Variants in SLC29A4 observed in about 807,000 individuals in gnomAD.
SLC29A4 encodes the protein equilibrative nucleoside transporter 4.
Under a neutral mutation model 43.9 loss-of-function variants are expected in SLC29A4, and 36 were observed. The ratio of observed to expected loss-of-function variants is 0.82; its 90% CI spans 0.63 to 1.08. The LOEUF is 1.08. SLC29A4 is among the 50% of genes least tolerant of loss of function. The pLI, the probability that SLC29A4 is intolerant of heterozygous loss-of-function variation, is 0.00. For synonymous variants in SLC29A4, 491 were observed against 338.0 expected, an observed-to-expected ratio of 1.45 and a Z score of -4.97; for missense variants, 869 against 755.3, an observed-to-expected ratio of 1.15 and a Z score of -1.77.
chr7:5,287,416 T>TG lies in SLC29A4; in HGVS notation c.-8-392dup, dbSNP rs1192417806. Among the ~76,000 whole-genome samples, 709 of 138,040 alleles carry TG rather than the reference T, an allele frequency of 5.1e-3. 6 individuals carry two copies. Among genetic ancestry groups the TG allele is most frequent in the African/African-American group, 0.02 (671 of 33,908 alleles). 90.6% of individuals were successfully genotyped at this position (138,040 alleles called of 152,430 possible). On this transcript the variant is annotated intron_variant, in intron 1 of 10. Transcript: ENST00000396872. Reference sequence around the variant, plus strand: ...CTGGGTGACAGAGTGAGACCCTGTCTGAAAAAAAAAAAAAAAGAAAAAAAA... The same window carrying TG: ...CTGGGTGACAGAGTGAGACCCTGTCTGGAAAAAAAAAAAAAAAGAAAAAAAA...
intron 5 of SLC29A4, 130 bp from the exon 6 acceptor site, chr7:5,294,728 ATC>A (rs1194335566): frequency 3.4e-6 from 3 of 884,414 alleles, no homozygotes; most frequent in East Asian, 5.0e-5. Context: ...TGCGTGTCAA[ATC>A]TCTCTGCCAT....
rs551938260 is a variant in SLC29A4 at position 5,286,626 on chromosome 7, A to G, written c.-8-1183A>G. On this transcript the variant is annotated intron_variant, in intron 1 of 10. Coordinates refer to ENST00000396872, the MANE Select transcript of SLC29A4 (RefSeq NM_153247.4). ...CACAGTGCAAGCGTCTCCATCACAG[A>G]TGACTTAGCTCCTTCCTTTCCTCCC... 1.1e-4 allele frequency among the ~76,000 whole-genome samples: 16 copies of G among 152,282 alleles called. No individual in the cohort carries two copies. In the South Asian group the frequency reaches 2.7e-3, roughly 26 times the overall value.
In SLC29A4 at chr7:5,302,968, G is replaced by A. The variant is rs535529024; in HGVS notation, c.*29G>A. The A allele has an allele frequency of 1.2e-4, 199 of 1,594,914 alleles. 1 individual carries two copies. The South Asian group carries it at 2.0e-3, about 16-fold the overall frequency. On this transcript the variant is annotated 3_prime_UTR_variant, in exon 11 of 11. Transcript: ENST00000396872. ...AGCCCCGCCCACTGCCAGGGACGCC[G>A]AGGGCCTGACCAGGGGCCCCGAGGC...
At position 5,303,072 on chromosome 7, in the gene SLC29A4, C is replaced by T. The variant is rs555887085; in HGVS notation, c.*133C>T. On this transcript the variant is annotated 3_prime_UTR_variant, in exon 11 of 11. Transcript: ENST00000396872. ...CCCTGTGCCAGCAGCCCCACTCCCT[C>T]AGGGTCCAGCCATGCCCCACCCTGG... 3 of 1,098,464 alleles carry T rather than the reference C, an allele frequency of 2.7e-6. No individual in the cohort carries two copies. Among genetic ancestry groups the T allele is most frequent in the African/African-American group, 3.2e-5 (2 of 62,692 alleles). The allele number at this position is 1,098,464 out of a possible 1,614,324, so 68.0% of individuals were successfully genotyped here.
rs1426036490 is a variant in SLC29A4, at chr7:5,283,000, A to G, written c.-91A>G. ...GGGCGGACTCGGGGACCGGCGGAGG[A>G]CGCCGGGCGCGCCCGGCCCGAGGCT... On this transcript the variant is annotated 5_prime_UTR_variant, in exon 1 of 11. Transcript: ENST00000396872. 1 of 100,290 alleles carries G rather than the reference A, an allele frequency of 1.0e-5. No individual in the cohort carries two copies. Among genetic ancestry groups the G allele is most frequent in the Non-Finnish European group, 2.0e-5 (1 of 51,132 alleles). The allele number at this position is 100,290 out of a possible 1,614,324, so 6.2% of individuals were successfully genotyped here.
At position 5,290,419 on chromosome 7, in the gene SLC29A4, A is replaced by C. The variant is rs191182141; in HGVS notation, c.170-313A>C. Reference sequence around the variant, plus strand: ...ACCATGTTGGCCAGGCTGGTCTCGAACTCCTGAGTTCAGGTGATCTGCCCG... The same window carrying C: ...ACCATGTTGGCCAGGCTGGTCTCGACCTCCTGAGTTCAGGTGATCTGCCCG... On this transcript the variant is annotated intron_variant, in intron 2 of 10. Coordinates refer to ENST00000396872, the MANE Select transcript of SLC29A4 (RefSeq NM_153247.4). Among the ~76,000 whole-genome samples, 371 of 151,710 alleles carry C rather than the reference A, an allele frequency of 2.4e-3. 1 individual carries two copies. The highest frequency in any genetic ancestry group is 8.4e-3 in the African/African-American group (349 of 41,316).
intron 1 of SLC29A4, among the ~76,000 whole-genome samples, chr7:5,287,578 C>T (rs1785038803): frequency 6.6e-6 from 1 of 152,238 alleles, no homozygotes; most frequent in African/African-American, 2.4e-5. Context: ...GGTTTAGGCC[C>T]TTGCCTAAGG....
chr7:5,297,558 G>A (rs537762257), intron 7 of SLC29A4, among the ~76,000 whole-genome samples: 3 of 152,314 alleles, frequency 2.0e-5, no homozygotes, highest in Non-Finnish European at 4.4e-5. Context: ...CATTCTGAGG[G>A]TCTCAGCCCT....
At position 5,300,624 on chromosome 7, in the gene SLC29A4, C is replaced by T. The variant is rs372135327; in HGVS notation, c.1412C>T (p.Ala471Val). Reference sequence around the variant, plus strand: ...TTCGGCAGCGTGCCCATGATCCTGGCGGCAGGCAAAGTGAGCCCCAAGCAG... The same window carrying T: ...TTCGGCAGCGTGCCCATGATCCTGGTGGCAGGCAAAGTGAGCCCCAAGCAG... ...GYFGSVPMIL[A>V]AGKVSPKQRE... is the part of the protein sequence containing the mutation. The change falls in exon 10 of 11, where the codon GCG (alanine) becomes GTG (valine). Residue 471 changes from alanine (A) to valine (V), a missense_variant. Transcript: ENST00000396872. The T allele has an allele frequency of 1.6e-5, 25 of 1,609,794 alleles. No homozygotes were observed. Among genetic ancestry groups the T allele is most frequent in the African/African-American group, 6.7e-5 (5 of 74,846 alleles).
intron 7 of SLC29A4, among the ~76,000 whole-genome samples, chr7:5,297,498 C>T (rs1562452021): frequency 1.3e-5 from 2 of 152,240 alleles, no homozygotes; most frequent in South Asian, 2.1e-4. Flanking sequence ...TCCTTAGTGA[C>T]ACTCCACATG....
Position 5,306,187 on chromosome 7 carries a change from A to ATTTGTTTTT in SLC29A4, c.*3251_*3252insGTTTTTTTT, listed in dbSNP as rs1333210739. The ATTTGTTTTT allele has an allele frequency of 8.5e-6, 1 of 117,584 alleles. No individual in the cohort carries two copies. The highest frequency in any genetic ancestry group is 1.0e-4 in the Admixed American group (1 of 9,986). 7.3% of individuals were successfully genotyped at this position (117,584 alleles called of 1,614,324 possible). A position where few individuals can be genotyped will look rare whatever the true frequency, so the allele number is the denominator to read the frequency against. ...ATTTTTTCTCATGTAAATTTGTTCAATTTCTTTTTTTTTTTTTTTTTTTTT... is the reference window on the plus strand; with the variant it reads ...ATTTTTTCTCATGTAAATTTGTTCAATTTGTTTTTTTTCTTTTTTTTTTTTTTTTTTTTT... On this transcript the variant is annotated 3_prime_UTR_variant, in exon 11 of 11. Transcript: ENST00000396872.
At position 5,287,784 on chromosome 7, in the gene SLC29A4, G is replaced by T. The variant is rs764447381; in HGVS notation, c.-8-25G>T. 1.4e-5 allele frequency: 22 copies of T among 1,603,970 alleles called. No individual in the cohort carries two copies. The African/African-American group carries it at 2.7e-4, about 20-fold the overall frequency. ...ATCCCTCAGCCTTCTTCCCTCACCT[G>T]CTCTCTCTGCTTTCTCCAAAGCAGA... On this transcript the variant is annotated intron_variant, in intron 1 of 10. Transcript: ENST00000396872.
intron 1 of SLC29A4, among the ~76,000 whole-genome samples, chr7:5,286,416 G>C (rs1331614524): frequency 6.7e-6 from 1 of 150,320 alleles, no homozygotes; most frequent in Non-Finnish European, 1.5e-5. Flanking sequence ...CCAGCTACTC[G>C]GGAGGCTGAG....
rs1562451235 is a variant in SLC29A4, at chr7:5,297,123, C to CCGGGG, written c.809_813dup (p.Arg272GlyfsTer46). On this transcript the variant is annotated frameshift_variant, in exon 7 of 11. Coordinates refer to ENST00000396872, the MANE Select transcript of SLC29A4 (RefSeq NM_153247.4). LOFTEE classifies it high-confidence loss of function. ...ATACCACACGGCCGCGTGACAGCCACCGGGGCAGGCCAGGCCTGGGCAGGG... is the reference window on the plus strand; with the variant it reads ...ATACCACACGGCCGCGTGACAGCCACCGGGGCGGGGCAGGCCAGGCCTGGGCAGGG... 2 of 1,606,504 alleles carry CCGGGG rather than the reference C, an allele frequency of 1.2e-6. No individual in the cohort carries two copies. The highest frequency in any genetic ancestry group is 1.7e-6 in the Non-Finnish European group (2 of 1,179,622).
In SLC29A4 at chr7:5,305,270, C is replaced by G. The variant is rs1483054590; in HGVS notation, c.*2331C>G. The G allele has an allele frequency of 6.6e-6, 1 of 152,318 alleles. No individual in the cohort carries two copies. The highest frequency in any genetic ancestry group is 1.9e-4 in the East Asian group (1 of 5,198). The allele number at this position is 152,318 out of a possible 1,614,324, so 9.4% of individuals were successfully genotyped here. On this transcript the variant is annotated 3_prime_UTR_variant, in exon 11 of 11. Transcript: ENST00000396872. ...GGGCCAAGACTGCGCCAGGTGACAC[C>G]AGAGTGTTTCCCAGAGCCCATGCCG...
In SLC29A4 at chr7:5,294,879, C is replaced by T. The variant is rs767906592; in HGVS notation, c.564C>T (p.Tyr188=). 45 of 1,612,022 alleles carry T rather than the reference C, an allele frequency of 2.8e-5. No individual in the cohort carries two copies. The highest frequency in any genetic ancestry group is 2.5e-4 in the African/African-American group (19 of 74,750). ...FGCTVQQSSF[Y]GYTGMLPKRY... ...CTTAAGTGCAGCAATCCAGCTTCTA[C>T]GGGTACACGGGGATGCTGCCCAAGC... The change falls in exon 6 of 11, where the codon TAC becomes TAT. Residue 188 remains tyrosine (Y), a synonymous_variant. Coordinates refer to ENST00000396872, the MANE Select transcript of SLC29A4 (RefSeq NM_153247.4).
At chr7:5,299,935 G>A (rs144100376) in intron 9 of SLC29A4, among the ~76,000 whole-genome samples, 15 of 152,182 alleles carry the variant, frequency 9.9e-5, no homozygotes, top group East Asian at 5.8e-4. Context: ...GCCTATAATC[G>A]CAGCTACTTG....
Position 5,304,461 on chromosome 7 carries a change from T to G in SLC29A4, c.*1522T>G, listed in dbSNP as rs530403074. 3.3e-4 allele frequency: 50 copies of G among 152,374 alleles called. 1 individual carries two copies. Among genetic ancestry groups the G allele is most frequent in the Middle Eastern group, 3.4e-3 (1 of 294 alleles). The allele number at this position is 152,374 out of a possible 1,614,324, so 9.4% of individuals were successfully genotyped here. ...TCGAGCCTCATCCCTTTTGCTGATT[T>G]GTGCAATTTGGACAAAATCCTGCAC... On this transcript the variant is annotated 3_prime_UTR_variant, in exon 11 of 11. Coordinates refer to ENST00000396872, the MANE Select transcript of SLC29A4 (RefSeq NM_153247.4).
intron 5 of SLC29A4, among the ~76,000 whole-genome samples, chr7:5,292,974 C>T (rs1303751029): frequency 4.0e-5 from 6 of 151,378 alleles, no homozygotes; most frequent in Non-Finnish European, 8.8e-5. Flanking sequence ...GCTGGTATTA[C>T]AGGCGTGAGC....
Sources: allele counts gnomAD v4.1 joint callset (sites outside exome capture counted in the v4.1 genomes callset), GRCh38; gene constraint gnomAD v4.1.1; transcripts MANE v1.5; gene names NCBI Gene and HGNC (gene_info 2026-07-23, HGNC 2026-07-21).